The following CA10 variants were observed in gnomAD, a reference collection of about 807,000 sequenced individuals.
CA10 encodes carbonic anhydrase 10 (inactive).
CA10 carries 14 observed loss-of-function variants against 44.2 expected under a neutral mutation model. That is an observed-to-expected ratio of 0.32 (90% CI 0.21 to 0.50). The LOEUF (loss-of-function observed/expected upper bound fraction) is 0.50, where lower values mean the gene tolerates loss of function less well. Among genes scored for constraint, CA10 ranks in the 20% least tolerant of loss-of-function variants. The probability of loss-of-function intolerance (pLI) is 0.99; values close to 1 mark genes in which losing one functional copy is unlikely to be tolerated. For synonymous variants in CA10, 159 were observed against 141.6 expected, an observed-to-expected ratio of 1.12 and a Z score of -0.87; for missense variants, 350 against 409.7, an observed-to-expected ratio of 0.85 and a Z score of 1.26.
intron 2 of CA10, among the ~76,000 whole-genome samples, chr17:52,066,963 C>T (rs1016148678): frequency 6.6e-6 from 1 of 152,154 alleles, no homozygotes; most frequent in Non-Finnish European, 1.5e-5. Context: ...GATATTGGAA[C>T]TTATGTTTAA....
chr17:51,971,850 T>C (rs2144070840), intron 2 of CA10, among the ~76,000 whole-genome samples: 1 of 152,080 alleles, frequency 6.6e-6, no homozygotes, highest in African/African-American at 2.4e-5. Flanking sequence ...ATTTTAAATA[T>C]TTTTCTTAGA....
intron 4 of CA10, among the ~76,000 whole-genome samples, chr17:51,666,238 A>G (rs916064472): frequency 6.6e-5 from 10 of 152,236 alleles, no homozygotes; most frequent in Admixed American, 2.0e-4. Flanking sequence ...CTGTAGCATC[A>G]TGGAAGACCA....
At chr17:51,874,129 T>C (rs916813889) in intron 3 of CA10, among the ~76,000 whole-genome samples, 10 of 151,994 alleles carry the variant, frequency 6.6e-5, no homozygotes, top group Non-Finnish European at 1.5e-4. Flanking sequence ...GGGAAATGTA[T>C]ATATTTGCTT....
intron 1 of CA10, among the ~76,000 whole-genome samples, chr17:52,155,993 G>A (rs1001199308): frequency 4.6e-5 from 7 of 152,040 alleles, no homozygotes; most frequent in Non-Finnish European, 7.4e-5. Context: ...TGTTCCCCTC[G>A]GTGATTGCCT....
intron 3 of CA10, among the ~76,000 whole-genome samples, chr17:51,864,541 C>G (rs1208385489): frequency 1.3e-5 from 2 of 152,170 alleles, no homozygotes; most frequent in Non-Finnish European, 2.9e-5. Flanking sequence ...CCATTTCTTA[C>G]TACTGTGAAA....
intron 1 of CA10, among the ~76,000 whole-genome samples, chr17:52,106,204 A>G (rs1000984750): frequency 2.6e-5 from 4 of 152,110 alleles, no homozygotes; most frequent in Non-Finnish European, 5.9e-5. Flanking sequence ...CACCCTCCAC[A>G]CTGATTTTGC....
At chr17:52,022,449 T>A (rs778694898) in intron 2 of CA10, among the ~76,000 whole-genome samples, 10 of 152,068 alleles carry the variant, frequency 6.6e-5, no homozygotes, top group Admixed American at 2.6e-4. Context: ...TGAAGGAATG[T>A]ATCTCAAAAT....
chr17:51,847,614 T>A (rs1323010558), intron 3 of CA10, among the ~76,000 whole-genome samples: 1 of 152,184 alleles, frequency 6.6e-6, no homozygotes, highest in East Asian at 1.9e-4. Flanking sequence ...ATTGCTGTCA[T>A]CTTGGCAGCA....
chr17:52,110,387 G>A (rs367844851), intron 1 of CA10, among the ~76,000 whole-genome samples: 65 of 152,278 alleles, frequency 4.3e-4, no homozygotes, highest in African/African-American at 1.5e-3. Context: ...TAGGGCTTTG[G>A]GCCCTTAACC....
chr17:51,947,222 T>A (rs1983312155), intron 2 of CA10, among the ~76,000 whole-genome samples: 1 of 91,766 alleles, frequency 1.1e-5, no homozygotes. Context: ...CATCTTCATG[T>A]GCAAAAAAAA....
chr17:51,759,615 A>C (rs1489189474), intron 3 of CA10, among the ~76,000 whole-genome samples: 1 of 151,964 alleles, frequency 6.6e-6, no homozygotes, highest in East Asian at 1.9e-4. Context: ...AAAATGGATA[A>C]GGTTTTGCTT....
chr17:51,997,596 C>T (rs1455435113), intron 2 of CA10, among the ~76,000 whole-genome samples: 1 of 151,966 alleles, frequency 6.6e-6, no homozygotes, highest in Admixed American at 6.6e-5. Context: ...TCATGCTCAG[C>T]AAAGTTCTTC....
rs887181091 is a variant in CA10 at position 51,983,570 on chromosome 17, GT to G, written c.137-52439del. ...CAGTTTACAAAAAAATAAAAAAGGT[GT>G]TTTTTTTTCCAGATGACTGCATATG... On this transcript the variant is annotated intron_variant, in intron 2 of 8. Transcript: ENST00000451037. Among the ~76,000 whole-genome samples the G allele has an allele frequency of 3.1e-3, 461 of 149,632 alleles. 2 individuals carry two copies. Among genetic ancestry groups the G allele is most frequent in the African/African-American group, 0.01 (429 of 40,906 alleles).
intron 4 of CA10, among the ~76,000 whole-genome samples, chr17:51,714,456 AG>A (rs1208693305): frequency 6.6e-6 from 1 of 152,212 alleles, no homozygotes; most frequent in African/African-American, 2.4e-5. Context: ...GACTTGCCCT[AG>A]AAAAATAATT....
intron 4 of CA10, among the ~76,000 whole-genome samples, chr17:51,706,731 C>G (rs942678130): frequency 4.6e-5 from 7 of 152,152 alleles, no homozygotes; most frequent in African/African-American, 1.7e-4. Flanking sequence ...CATTAGCCAA[C>G]TTTTTTGATC....
At chr17:51,865,519 T>G (rs951330054) in intron 3 of CA10, among the ~76,000 whole-genome samples, 1 of 152,212 alleles carries the variant, frequency 6.6e-6, no homozygotes, top group African/African-American at 2.4e-5. Context: ...ACATGTTCCT[T>G]AAGCTGCCAG....
At chr17:51,803,637 T>C (rs1237775202) in intron 3 of CA10, among the ~76,000 whole-genome samples, 1 of 152,252 alleles carries the variant, frequency 6.6e-6, no homozygotes. Context: ...AAGTTCCAGC[T>C]TTAGTCAGTT....
chr17:51,999,462 C>T (rs1272018157), intron 2 of CA10, among the ~76,000 whole-genome samples: 2 of 152,000 alleles, frequency 1.3e-5, no homozygotes, highest in Non-Finnish European at 2.9e-5. Context: ...AAGGTGTCAG[C>T]CATGTTCTTT....
At position 51,931,039 on chromosome 17, in the gene CA10, A is replaced by C; in HGVS notation, c.230T>G (p.Ile77Ser). 1 of 1,613,610 alleles carries C rather than the reference A, an allele frequency of 6.2e-7. No individual in the cohort carries two copies. The highest frequency in any genetic ancestry group is 8.5e-7 in the Non-Finnish European group (1 of 1,179,676). Residue 77 changes from isoleucine (I) to serine (S), a missense_variant, in exon 3 of 9, where the codon ATC becomes AGC. Physicochemically the swap from Ile to Ser is moderately radical, Grantham distance 142. Coordinates refer to ENST00000451037, the MANE Select transcript of CA10 (RefSeq NM_020178.5). ...SPVNIETSHM[I>S]FDPFLTPLRI... ...AAGAGGTGTCAGAAAGGGGTCGAAG[A>C]TCATGTGACTGGTCTCTATGTTGAC...
Sources: gnomAD v4.1 joint callset for allele counts (sites outside exome capture counted in the v4.1 genomes callset) on GRCh38, gnomAD v4.1.1 for gene constraint, MANE v1.5 for transcripts, NCBI Gene and HGNC (gene_info 2026-07-23, HGNC 2026-07-21) for gene names.